Variants in KIAA1217 observed in about 807,000 individuals in gnomAD.
KIAA1217 encodes KIAA1217.
KIAA1217 carries 88 observed loss-of-function variants against 163.9 expected under a neutral mutation model. That is an observed-to-expected ratio of 0.54 (90% confidence interval 0.45 to 0.64). The LOEUF is 0.64. Among genes scored for constraint, KIAA1217 ranks in the 30% least tolerant of loss-of-function variants. The pLI is 0.00. For synonymous variants in KIAA1217, 903 were observed against 923.1 expected (o/e 0.98, Z 0.39); for missense variants, 2,372 against 2,475.0 (o/e 0.96, Z 0.88).
intron 3 of KIAA1217, among the ~76,000 whole-genome samples, chr10:24,422,786 C>G (rs1215340496): frequency 6.6e-6 from 1 of 152,126 alleles, no homozygotes; most frequent in Non-Finnish European, 1.5e-5. Context: ...GGGTAAGCCC[C>G]AGGGCTTTCT....
At chr10:24,326,221 A>G (rs532597596) in intron 2 of KIAA1217, among the ~76,000 whole-genome samples, 7 of 152,302 alleles carry the variant, frequency 4.6e-5, no homozygotes, top group Admixed American at 3.3e-4. Context: ...ATAAGTTGTA[A>G]AAGTTCCCAT....
intron 2 of KIAA1217, among the ~76,000 whole-genome samples, chr10:24,049,693 T>C (rs1040911155): frequency 3.3e-5 from 5 of 152,168 alleles, no homozygotes; most frequent in Admixed American, 6.5e-5. Context: ...ACATTTTCTT[T>C]ATCCAGTCTA....
intron 10 of KIAA1217, among the ~76,000 whole-genome samples, chr10:24,513,762 G>A (rs1236345364): frequency 3.4e-5 from 5 of 147,514 alleles, no homozygotes; most frequent in Non-Finnish European, 7.4e-5. Flanking sequence ...ACCAGCCTGG[G>A]TAACACAGGG....
intron 1 of KIAA1217, among the ~76,000 whole-genome samples, chr10:23,815,440 C>G (rs1005720316): frequency 4.6e-5 from 7 of 152,016 alleles, no homozygotes; most frequent in Admixed American, 3.9e-4. Context: ...GTCAGGAGAT[C>G]CAGACCATCC....
intron 2 of KIAA1217, among the ~76,000 whole-genome samples, chr10:24,358,171 TG>T (rs2049372472): frequency 6.6e-6 from 1 of 152,030 alleles, no homozygotes; most frequent in Non-Finnish European, 1.5e-5. Flanking sequence ...AGTGTGTGGG[TG>T]CAAGGGGAAG....
At chr10:24,344,086 T>A (rs1333072598) in intron 2 of KIAA1217, among the ~76,000 whole-genome samples, 1 of 152,216 alleles carries the variant, frequency 6.6e-6, no homozygotes, top group Admixed American at 6.5e-5. Context: ...TTCCATTTTC[T>A]CTATTAACAC....
At chr10:24,541,421 G>A (rs1537169) in intron 17 of KIAA1217, among the ~76,000 whole-genome samples, 20,892 of 151,652 alleles carry the variant, frequency 0.14, 1,652 homozygotes, top group African/African-American at 0.21. Context: ...TTCTGACTGC[G>A]TTGTTTGTGT....
intron 2 of KIAA1217, among the ~76,000 whole-genome samples, chr10:24,357,000 A>G (rs2049196074): frequency 6.6e-6 from 1 of 152,232 alleles, no homozygotes; most frequent in South Asian, 2.1e-4. Context: ...CTAAGTTACA[A>G]TGAGTTTGAG....
intron 3 of KIAA1217, among the ~76,000 whole-genome samples, chr10:24,385,331 A>C (rs1412867254): frequency 1.3e-5 from 2 of 152,228 alleles, no homozygotes; most frequent in Non-Finnish European, 2.9e-5. Flanking sequence ...AGCATGGTGC[A>C]TTTCGCAAAT....
chr10:23,880,159 G>A (rs1387764994), intron 1 of KIAA1217, among the ~76,000 whole-genome samples: 2 of 151,878 alleles, frequency 1.3e-5, no homozygotes, highest in Non-Finnish European at 2.9e-5. Context: ...TGAGTTTATT[G>A]CAGCACTATT....
At chr10:24,362,469 A>G (rs1363705599) in intron 2 of KIAA1217, among the ~76,000 whole-genome samples, 1 of 152,252 alleles carries the variant, frequency 6.6e-6, no homozygotes, top group African/African-American at 2.4e-5. Flanking sequence ...TAGAAACATA[A>G]GTAACAATCT....
intron 2 of KIAA1217, among the ~76,000 whole-genome samples, chr10:24,020,447 A>G (rs1248629919): frequency 6.6e-6 from 1 of 152,108 alleles, no homozygotes; most frequent in African/African-American, 2.4e-5. Context: ...TTGGGTGGGC[A>G]GTGGACAAGC....
At position 24,473,370 on chromosome 10, in the gene KIAA1217, T is replaced by C. The variant is rs768275997; in HGVS notation, c.989T>C (p.Ile330Thr). 6.2e-7 allele frequency: 1 copy of C among 1,609,346 alleles called. No homozygotes were observed. Among genetic ancestry groups the C allele is most frequent in the South Asian group, 1.1e-5 (1 of 90,610 alleles). ...PHSMPPSPSRIPYGGTRSMVV... is the reference protein window; with the variant it reads ...PHSMPPSPSRTPYGGTRSMVV... ...TCCATGCCCCCCTCCCCGTCCAGAA[T>C]TCCTTATGGGGGCACCCGCTCCATG... is the stretch of plus-strand genomic sequence containing the variant. The change falls in exon 6 of 21, where the codon ATT becomes ACT. Residue 330 changes from isoleucine to threonine, a missense_variant. By Grantham distance (89) the Ile-to-Thr change is moderately conservative (BLOSUM62 -1). This residue lies in a region of KIAA1217 where 1,431 missense variants were observed against 1,470.3 expected (regional missense o/e 0.97). Transcript: ENST00000376454.
At chr10:23,943,925 C>G (rs1267550643) in intron 1 of KIAA1217, among the ~76,000 whole-genome samples, 1 of 152,162 alleles carries the variant, frequency 6.6e-6, no homozygotes, top group Non-Finnish European at 1.5e-5. Flanking sequence ...CCCTCACATA[C>G]AAATTAATAT....
intron 2 of KIAA1217, among the ~76,000 whole-genome samples, chr10:24,052,184 A>G (rs955307975): frequency 6.6e-6 from 1 of 152,106 alleles, no homozygotes; most frequent in African/African-American, 2.4e-5. Flanking sequence ...ATTGGATTTT[A>G]TCTATGTAAC....
intron 1 of KIAA1217, among the ~76,000 whole-genome samples, chr10:23,889,660 T>G (rs1841336821): frequency 6.6e-6 from 1 of 151,740 alleles, no homozygotes; most frequent in African/African-American, 2.4e-5. Context: ...AAAGTAGTAT[T>G]TGAAGAGCAA....
intron 2 of KIAA1217, among the ~76,000 whole-genome samples, chr10:24,070,591 T>C (rs2061149236): frequency 6.6e-6 from 1 of 152,210 alleles, no homozygotes. Flanking sequence ...TTGAGAGAAG[T>C]GTGTTTTATA....
At chr10:24,467,043 A>G (rs2063027316) in intron 5 of KIAA1217, among the ~76,000 whole-genome samples, 1 of 149,874 alleles carries the variant, frequency 6.7e-6, no homozygotes, top group Non-Finnish European at 1.5e-5. Flanking sequence ...TATTTTTTAT[A>G]CTAGGTTTTT....
chr10:23,727,630 G>T (rs960766020), intron 1 of KIAA1217, among the ~76,000 whole-genome samples: 2 of 152,018 alleles, frequency 1.3e-5, no homozygotes, highest in Non-Finnish European at 2.9e-5. Context: ...TATTTTTAAC[G>T]TTGCTTTTCA....
Sources: gnomAD v4.1 joint callset for allele counts (sites outside exome capture counted in the v4.1 genomes callset) on GRCh38, gnomAD v4.1.1 for gene constraint, gnomAD v4.1.1 regional missense constraint, MANE v1.5 for transcripts, NCBI Gene and HGNC (gene_info 2026-07-23, HGNC 2026-07-21) for gene names.